Variants in MRTFB observed in about 807,000 individuals in gnomAD.
The protein encoded by MRTFB is myocardin related transcription factor B.
A neutral mutation model predicts 104.2 loss-of-function variants in MRTFB; 29 were observed. The observed-to-expected ratio is 0.28, with a 90% CI of 0.21 to 0.38. MRTFB has a LOEUF of 0.38. Among genes scored for constraint, MRTFB ranks in the 10% least tolerant of loss-of-function variants. The pLI, the probability that MRTFB is intolerant of heterozygous loss-of-function variation, is 1.00. For missense variants in MRTFB, 1,270 were observed against 1,341.6 expected, an observed-to-expected ratio of 0.95 and a Z score of 0.83; for synonymous variants, 535 against 519.5, an observed-to-expected ratio of 1.03 and a Z score of -0.41.
At chr16:14,199,703 G>C (rs1330144556) in intron 3 of MRTFB, among the ~76,000 whole-genome samples, 3 of 152,110 alleles carry the variant, frequency 2.0e-5, no homozygotes, top group Non-Finnish European at 4.4e-5. Context: ...TGGAGTTGAA[G>C]AAAAAATAAG....
At position 14,261,481 on chromosome 16, in the gene MRTFB, A is replaced by G. The variant is rs763579707; in HGVS notation, c.*37A>G. 1 of 1,526,880 alleles carries G rather than the reference A, an allele frequency of 6.5e-7. No individual in the cohort carries two copies. The highest frequency in any genetic ancestry group is 8.8e-7 in the Non-Finnish European group (1 of 1,134,190). The allele number at this position is 1,526,880 out of a possible 1,614,324, so 94.6% of individuals were successfully genotyped here. On this transcript the variant is annotated 3_prime_UTR_variant, in exon 17 of 17. Transcript: ENST00000571589. ...TCTTTTCTGAGAGTTGATGAGGTTT[A>G]AGAACATGAAGATTCTAAAAGGTCA...
intron 3 of MRTFB, among the ~76,000 whole-genome samples, chr16:14,209,985 C>G (rs2041123371): frequency 6.6e-6 from 1 of 152,116 alleles, no homozygotes; most frequent in African/African-American, 2.4e-5. Flanking sequence ...ATGTTTTAAA[C>G]AACAAATACA....
chr16:14,008,227 T>C, the MRTFB span, among the ~76,000 whole-genome samples: 4 of 152,208 alleles, frequency 2.6e-5, no homozygotes, highest in East Asian at 7.7e-4. Context: ...AATTTTTCTA[T>C]TTTTTCTTTT....
At chr16:14,172,503 A>ATT (rs541692997) in intron 3 of MRTFB, among the ~76,000 whole-genome samples, 4 of 151,884 alleles carry the variant, frequency 2.6e-5, no homozygotes, top group Non-Finnish European at 5.9e-5. Flanking sequence ...AACTTTTGGC[A>ATT]TTTTTTTAAT....
chr16:14,242,580 G>A (rs1567208526), intron 10 of MRTFB, among the ~76,000 whole-genome samples: 2 of 152,082 alleles, frequency 1.3e-5, no homozygotes, highest in African/African-American at 4.8e-5. Context: ...CCTGAATCAT[G>A]TAGCCCTTTG....
intron 3 of MRTFB, among the ~76,000 whole-genome samples, chr16:14,164,316 G>A (rs2039152173): frequency 2.0e-5 from 3 of 152,134 alleles, no homozygotes; most frequent in Non-Finnish European, 4.4e-5. Flanking sequence ...GTGAGAACGT[G>A]CAGTATTTGT....
At chr16:14,084,072 A>T (rs552707361) in intron 2 of MRTFB, among the ~76,000 whole-genome samples, 1 of 152,178 alleles carries the variant, frequency 6.6e-6, no homozygotes, top group African/African-American at 2.4e-5. Context: ...TTTAAATGTG[A>T]TGAGAGTGTT....
chr16:14,024,075 G>T, the MRTFB span, among the ~76,000 whole-genome samples: 1 of 151,986 alleles, frequency 6.6e-6, no homozygotes, highest in Non-Finnish European at 1.5e-5. Flanking sequence ...ATGGTGCCTG[G>T]TGCATCGTGG....
At chr16:14,037,554 T>G in the MRTFB span, among the ~76,000 whole-genome samples, 1 of 152,194 alleles carries the variant, frequency 6.6e-6, no homozygotes, top group Non-Finnish European at 1.5e-5. Context: ...ACTTTGTGTT[T>G]TGAAAGTTCA....
At chr16:14,121,147 G>T (rs1442785720) in intron 2 of MRTFB, among the ~76,000 whole-genome samples, 1 of 150,488 alleles carries the variant, frequency 6.6e-6, no homozygotes, top group African/African-American at 2.4e-5. Context: ...TGGTGTTACA[G>T]TCTTCATTTG....
intron 5 of MRTFB, among the ~76,000 whole-genome samples, chr16:14,213,293 G>A (rs1239868001): frequency 1.3e-5 from 2 of 152,056 alleles, no homozygotes; most frequent in African/African-American, 4.8e-5. Context: ...ACGACCTTTC[G>A]ATGTTCATAA....
chr16:14,037,356 C>T, the MRTFB span, among the ~76,000 whole-genome samples: 1 of 152,042 alleles, frequency 6.6e-6, no homozygotes, highest in African/African-American at 2.4e-5. Context: ...CTATGGTAGG[C>T]GGAGGTGTCG....
chr16:14,140,380 A>T (rs1298950226), intron 2 of MRTFB, among the ~76,000 whole-genome samples, 164 bp from the exon 3 acceptor site: 1 of 152,192 alleles, frequency 6.6e-6, no homozygotes, highest in Non-Finnish European at 1.5e-5. Flanking sequence ...GAAGTATGTT[A>T]TTCCTGTTAG....
chr16:14,064,626 G>T, the MRTFB span, among the ~76,000 whole-genome samples: 1 of 152,108 alleles, frequency 6.6e-6, no homozygotes, highest in Non-Finnish European at 1.5e-5. Flanking sequence ...CCATCGAGTT[G>T]ATTTTTGTAC....
At chr16:14,213,457 C>T (rs1337162494) in intron 5 of MRTFB, 88 bp from the exon 6 acceptor site, 201 of 884,310 alleles carry the variant, frequency 2.3e-4, no homozygotes, top group Non-Finnish European at 3.3e-4. Flanking sequence ...ATAAGCGTAT[C>T]GTTTATTTAA....
At chr16:14,140,818 CCA>C in intron 3 of MRTFB, 58 bp downstream of exon 3, 1 of 1,597,858 alleles carries the variant, frequency 6.3e-7, no homozygotes, top group Non-Finnish European at 8.6e-7. Flanking sequence ...CTTTGGGAGC[CCA>C]GTTTATTCCT....
rs553086197 is a variant in MRTFB at position 14,261,770 on chromosome 16, C to T, written c.*326C>T. ...AAGAGTAATATATGCAGCACAGTGA[C>T]GTTAGGATTCTGGTAATTAACTACA... On this transcript the variant is annotated 3_prime_UTR_variant, in exon 17 of 17. Coordinates refer to ENST00000571589, the MANE Select transcript of MRTFB (RefSeq NM_001308142.2). The T allele has an allele frequency of 6.0e-5, 12 of 198,982 alleles. No homozygotes were observed. In the South Asian group the frequency reaches 6.4e-4, roughly 11 times the overall value. 12.3% of individuals were successfully genotyped at this position (198,982 alleles called of 1,614,324 possible). A position where few individuals can be genotyped will look rare whatever the true frequency, so the allele number is the denominator to read the frequency against.
At chr16:14,242,053 C>T (rs960990331) in intron 10 of MRTFB, among the ~76,000 whole-genome samples, 2 of 151,578 alleles carry the variant, frequency 1.3e-5, no homozygotes, top group South Asian at 4.2e-4. Context: ...ATGCGTTGTG[C>T]TTAAAACCGT....
intron 3 of MRTFB, among the ~76,000 whole-genome samples, chr16:14,208,126 C>T (rs570674524): frequency 6.6e-6 from 1 of 152,206 alleles, no homozygotes; most frequent in African/African-American, 2.4e-5. Context: ...GTATGTTACC[C>T]TCATGGTAGC....
Sources: allele counts gnomAD v4.1 joint callset (sites outside exome capture counted in the v4.1 genomes callset), GRCh38; gene constraint gnomAD v4.1.1; transcripts MANE v1.5; gene names NCBI Gene and HGNC (gene_info 2026-07-23, HGNC 2026-07-21).